Variants in DCBLD2 observed in about 807,000 individuals in gnomAD.
DCBLD2 encodes the protein discoidin, CUB and LCCL domain-containing protein 2.
Under a neutral mutation model 86.8 loss-of-function variants are expected in DCBLD2, and 54 were observed. The ratio of observed to expected loss-of-function variants is 0.62; its 90% CI spans 0.50 to 0.78. The LOEUF is 0.78. DCBLD2 is among the 30% of genes least tolerant of loss of function. The pLI is 0.00. For synonymous variants in DCBLD2, 354 were observed against 341.3 expected, an observed-to-expected ratio of 1.04 and a Z score of -0.41; for missense variants, 908 against 954.2, an observed-to-expected ratio of 0.95 and a Z score of 0.64.
intron 2 of DCBLD2, among the ~76,000 whole-genome samples, chr3:98,864,231 TAGGAAC>T (rs1943099611): frequency 6.6e-6 from 1 of 152,140 alleles, no homozygotes; most frequent in Admixed American, 6.6e-5. Flanking sequence ...TGTGGAGAAA[TAGGAAC>T]ACTTTTAAAT....
chr3:98,860,771 T>C (rs1021880105), intron 2 of DCBLD2, among the ~76,000 whole-genome samples: 13 of 152,082 alleles, frequency 8.5e-5, no homozygotes, highest in African/African-American at 3.1e-4. Flanking sequence ...TGCAAAAACA[T>C]GACAAATTGT....
chr3:98,861,988 T>A (rs992223289), intron 2 of DCBLD2, among the ~76,000 whole-genome samples: 2 of 151,208 alleles, frequency 1.3e-5, no homozygotes, highest in African/African-American at 4.9e-5. Flanking sequence ...GCAAGACTAA[T>A]AAAGAAAAGA....
intron 2 of DCBLD2, among the ~76,000 whole-genome samples, chr3:98,855,682 C>T (rs1399442809): frequency 6.6e-6 from 1 of 152,146 alleles, no homozygotes; most frequent in Non-Finnish European, 1.5e-5. Flanking sequence ...AGGTTTTTAC[C>T]ACTATCTACA....
Position 98,796,275 on chromosome 3 carries a change from AAC to A in DCBLD2, c.*3095_*3096del, listed in dbSNP as rs1491066316. On this transcript the variant is annotated 3_prime_UTR_variant, in exon 16 of 16. Transcript: ENST00000326840. ...ACAAAAACAAAACAAAACAAAAAAA[AAC>A]AGTCACAAGTTGGATTACATTAGAA... 1.3e-5 allele frequency: 2 copies of A among 152,558 alleles called. No homozygotes were observed. The highest frequency in any genetic ancestry group is 2.9e-5 in the Non-Finnish European group (2 of 68,016). 9.5% of individuals were successfully genotyped at this position (152,558 alleles called of 1,614,324 possible).
rs752350998 is a variant in DCBLD2, at chr3:98,891,841, C to T, written c.205+9281G>A. 4.4e-4 allele frequency among the ~76,000 whole-genome samples: 67 copies of T among 152,168 alleles called. 2 individuals carry two copies. Among genetic ancestry groups the T allele is most frequent in the Non-Finnish European group, 1.3e-4 (9 of 68,008 alleles). On this transcript the variant is annotated intron_variant, in intron 1 of 15. Coordinates refer to ENST00000326840, the MANE Select transcript of DCBLD2 (RefSeq NM_080927.4). ...GCAAATACCTACTCAATGTTATTTTCTTTGTGAAACCTTTCTGAAGCTCCT... is the reference window on the plus strand; with the variant it reads ...GCAAATACCTACTCAATGTTATTTTTTTTGTGAAACCTTTCTGAAGCTCCT...
At chr3:98,842,801 A>G (rs1007878468) in intron 3 of DCBLD2, among the ~76,000 whole-genome samples, 3 of 152,228 alleles carry the variant, frequency 2.0e-5, no homozygotes, top group African/African-American at 7.2e-5. Flanking sequence ...TAAAAAATGA[A>G]TACAAAACAT....
At chr3:98,830,013 T>C (rs901416139) in intron 3 of DCBLD2, among the ~76,000 whole-genome samples, 3 of 152,208 alleles carry the variant, frequency 2.0e-5, no homozygotes, top group Non-Finnish European at 4.4e-5. Context: ...GCTTTTTTTC[T>C]TATGCTTATT....
intron 2 of DCBLD2, among the ~76,000 whole-genome samples, chr3:98,857,595 T>G (rs964924698): frequency 6.6e-6 from 1 of 152,196 alleles, no homozygotes; most frequent in African/African-American, 2.4e-5. Context: ...GAGTGTCGAT[T>G]GGTGCATTCA....
In DCBLD2 at chr3:98,892,153, T is replaced by C. The variant is rs1943673050; in HGVS notation, c.205+8969A>G. ...TAGATTCAAATTCTAGACATGCCAG[T>C]TTTCAAGATCCTGGACACTTAACTG... On this transcript the variant is annotated intron_variant, in intron 1 of 15. Coordinates refer to ENST00000326840, the MANE Select transcript of DCBLD2 (RefSeq NM_080927.4). 4.6e-5 allele frequency among the ~76,000 whole-genome samples: 7 copies of C among 152,054 alleles called. No individual in the cohort carries two copies. The South Asian group carries it at 1.4e-3, about 31-fold the overall frequency.
Position 98,825,643 on chromosome 3 carries a change from T to TATATA in DCBLD2, c.572-278_572-277insTATAT, listed in dbSNP as rs1942202476. 6.9e-4 allele frequency among the ~76,000 whole-genome samples: 79 copies of TATATA among 115,076 alleles called. 1 individual carries two copies. The highest frequency in any genetic ancestry group is 3.1e-3 in the Admixed American group (29 of 9,374). 75.5% of individuals were successfully genotyped at this position (115,076 alleles called of 152,430 possible). A position where few individuals can be genotyped will look rare whatever the true frequency, so the allele number is the denominator to read the frequency against. ...TACACACATATATGTATATGTGTAT[T>TATATA]TATATATATATATATATATATATAT... is the stretch of plus-strand genomic sequence containing the variant. On this transcript the variant is annotated intron_variant, in intron 3 of 15. Coordinates refer to ENST00000326840, the MANE Select transcript of DCBLD2 (RefSeq NM_080927.4).
intron 2 of DCBLD2, 91 bp from the exon 3 acceptor site, chr3:98,849,689 C>A: frequency 1.5e-6 from 2 of 1,375,060 alleles, no homozygotes; most frequent in South Asian, 1.4e-5. Flanking sequence ...AATAATATAC[C>A]AAGCTGGCTG....
chr3:98,806,131 G>A (rs1941834235), intron 13 of DCBLD2, among the ~76,000 whole-genome samples: 1 of 152,086 alleles, frequency 6.6e-6, no homozygotes, highest in Non-Finnish European at 1.5e-5. Flanking sequence ...CAGGTATTTA[G>A]AATAATTTGC....
At chr3:98,899,082 T>A (rs1293746611) in intron 1 of DCBLD2, among the ~76,000 whole-genome samples, 7 of 147,458 alleles carry the variant, frequency 4.7e-5, no homozygotes, top group Non-Finnish European at 1.5e-5. Context: ...TTAGAAGAAC[T>A]AAAAAAAAAA....
chr3:98,843,910 G>A (rs985550758), intron 3 of DCBLD2, among the ~76,000 whole-genome samples: 3 of 152,156 alleles, frequency 2.0e-5, no homozygotes, highest in Non-Finnish European at 4.4e-5. Flanking sequence ...AAACTTTATA[G>A]ACTGAGCACT....
intron 3 of DCBLD2, among the ~76,000 whole-genome samples, chr3:98,832,375 T>C (rs1472682174): frequency 3.9e-5 from 6 of 152,192 alleles, no homozygotes; most frequent in Admixed American, 3.9e-4. Context: ...CATTGGGTCT[T>C]GCTTTTTTAT....
intron 1 of DCBLD2, among the ~76,000 whole-genome samples, chr3:98,890,001 G>A (rs1462598737): frequency 2.0e-5 from 3 of 151,708 alleles, no homozygotes; most frequent in African/African-American, 7.3e-5. Flanking sequence ...TTTCCTTCTT[G>A]TACATAGATT....
intron 1 of DCBLD2, among the ~76,000 whole-genome samples, chr3:98,897,054 AT>A (rs1419548382): frequency 2.6e-5 from 4 of 152,172 alleles, no homozygotes; most frequent in African/African-American, 9.7e-5. Flanking sequence ...TACATGATCT[AT>A]TAACTTTTGG....
At chr3:98,865,644 T>G (rs1297117668) in intron 2 of DCBLD2, among the ~76,000 whole-genome samples, 1 of 152,172 alleles carries the variant, frequency 6.6e-6, no homozygotes, top group Non-Finnish European at 1.5e-5. Context: ...TTAGTCTGAT[T>G]GACCCATTCT....
intron 2 of DCBLD2, among the ~76,000 whole-genome samples, chr3:98,861,849 A>G (rs1482829039): frequency 1.3e-5 from 2 of 152,334 alleles, no homozygotes; most frequent in South Asian, 4.1e-4. Flanking sequence ...TTCAAAAGCT[A>G]GCAGAAGGCA....
Sources: gnomAD v4.1 joint callset for allele counts (sites outside exome capture counted in the v4.1 genomes callset) on GRCh38, gnomAD v4.1.1 for gene constraint, MANE v1.5 for transcripts, NCBI Gene and HGNC (gene_info 2026-07-23, HGNC 2026-07-21) for gene names.